The following NFIL3 variants were observed in gnomAD, a reference collection of about 807,000 sequenced individuals.
The protein encoded by NFIL3 is nuclear factor interleukin-3-regulated protein.
Under a neutral mutation model 10.0 loss-of-function variants are expected in NFIL3, and 5 were observed. The ratio of observed to expected loss-of-function variants is 0.50; its 90% CI spans 0.26 to 1.06. The LOEUF (loss-of-function observed/expected upper bound fraction) is 1.06, where lower values mean the gene tolerates loss of function less well. Among genes scored for constraint, NFIL3 ranks in the 50% least tolerant of loss-of-function variants. The pLI is 0.13. For synonymous variants in NFIL3, 202 were observed against 206.5 expected (o/e 0.98, Z 0.19); for missense variants, 436 against 547.6 (o/e 0.80, Z 2.03).
At chr9:91,445,188 G>A in the NFIL3 span, among the ~76,000 whole-genome samples, 1 of 152,188 alleles carries the variant, frequency 6.6e-6, no homozygotes, top group Non-Finnish European at 1.5e-5. Flanking sequence ...TGAGGGTTTG[G>A]CCCTGGGGAG....
chr9:91,427,825 T>C (rs1232005948), upstream of NFIL3, among the ~76,000 whole-genome samples: 1 of 152,002 alleles, frequency 6.6e-6, no homozygotes, highest in Non-Finnish European at 1.5e-5. Context: ...ATTTTTTTTT[T>C]GTTAGAGTCA....
chr9:91,479,807 T>C, the NFIL3 span, among the ~76,000 whole-genome samples: 1 of 152,252 alleles, frequency 6.6e-6, no homozygotes, highest in Non-Finnish European at 1.5e-5. Flanking sequence ...AATCTCCTGG[T>C]CTGCGGGTTG....
chr9:91,450,436 T>C, the NFIL3 span, among the ~76,000 whole-genome samples: 471 of 152,332 alleles, frequency 3.1e-3, 1 homozygote, highest in Admixed American at 4.8e-3. Context: ...AATCATCTAA[T>C]ATCTTTTGTG....
chr9:91,430,439 C>T, the NFIL3 span, among the ~76,000 whole-genome samples: 1 of 152,120 alleles, frequency 6.6e-6, no homozygotes, highest in Admixed American at 6.5e-5. Flanking sequence ...GGGCCAGAAA[C>T]TAAGCCAGGC....
At chr9:91,466,380 A>G in the NFIL3 span, among the ~76,000 whole-genome samples, 3 of 152,206 alleles carry the variant, frequency 2.0e-5, no homozygotes, top group Admixed American at 6.5e-5. Context: ...ACAGAATGGT[A>G]GTGGATGAAA....
the NFIL3 span, among the ~76,000 whole-genome samples, chr9:91,435,098 GT>G: frequency 6.6e-6 from 1 of 152,138 alleles, no homozygotes; most frequent in Admixed American, 6.5e-5. Context: ...TGAATTGTGT[GT>G]TTTCTCTTTC....
chr9:91,453,793 G>A, the NFIL3 span, among the ~76,000 whole-genome samples: 5 of 152,058 alleles, frequency 3.3e-5, no homozygotes, highest in African/African-American at 7.3e-5. Context: ...GCCACAAAAT[G>A]AGGGCAAGTC....
chr9:91,412,852 CAAA>C (rs769413699), intron 1 of NFIL3, among the ~76,000 whole-genome samples: 5 of 60,378 alleles, frequency 8.3e-5, no homozygotes, highest in Admixed American at 1.8e-4. Flanking sequence ...GACTTCGTCT[CAAA>C]AAAAAAAAAA....
At chr9:91,419,463 G>A (rs1453426873) in intron 1 of NFIL3, among the ~76,000 whole-genome samples, 1 of 152,206 alleles carries the variant, frequency 6.6e-6, no homozygotes, top group Non-Finnish European at 1.5e-5. Context: ...TCAGGCTGTT[G>A]CATCACAGTG....
Position 91,410,901 on chromosome 9 carries a change from C to T in NFIL3, c.-167G>A, listed in dbSNP as rs773797035. Reference sequence around the variant, plus strand: ...TTATTGAATGAAGTTGGGCCTCCTTCGTTATCTGCAATACATGAATAAAAA... The same window carrying T: ...TTATTGAATGAAGTTGGGCCTCCTTTGTTATCTGCAATACATGAATAAAAA... On this transcript the variant is annotated 5_prime_UTR_variant, in exon 2 of 2. Transcript: ENST00000297689. The surrounding 1 kb of genome is among the most constrained non-coding windows in gnomAD (Gnocchi z 5.7). The T allele has an allele frequency of 1.4e-5, 8 of 588,794 alleles. No individual in the cohort carries two copies. Among genetic ancestry groups the T allele is most frequent in the Admixed American group, 3.7e-5 (1 of 27,112 alleles). The allele number at this position is 588,794 out of a possible 1,614,324, so 36.5% of individuals were successfully genotyped here.
the NFIL3 span, among the ~76,000 whole-genome samples, chr9:91,483,484 G>A: frequency 1.3e-5 from 2 of 152,102 alleles, no homozygotes; most frequent in Admixed American, 1.3e-4. Flanking sequence ...GTTGAAATGA[G>A]GACACGAGGA....
the NFIL3 span, among the ~76,000 whole-genome samples, chr9:91,462,986 G>A: frequency 6.6e-6 from 1 of 151,884 alleles, no homozygotes; most frequent in Non-Finnish European, 1.5e-5. Context: ...CCACAGAATT[G>A]TTTGAAATAT....
At chr9:91,452,032 T>A in the NFIL3 span, among the ~76,000 whole-genome samples, 1 of 152,166 alleles carries the variant, frequency 6.6e-6, no homozygotes, top group Admixed American at 6.5e-5. Flanking sequence ...GGAAGCCTCC[T>A]CTTGACTAAG....
At chr9:91,455,413 T>C in the NFIL3 span, among the ~76,000 whole-genome samples, 2 of 152,220 alleles carry the variant, frequency 1.3e-5, no homozygotes, top group South Asian at 4.1e-4. Context: ...TTTATTTATT[T>C]ATTTACATCA....
chr9:91,430,864 T>G, the NFIL3 span, among the ~76,000 whole-genome samples: 1 of 152,212 alleles, frequency 6.6e-6, no homozygotes, highest in Admixed American at 6.5e-5. Context: ...CAGGCTAGTC[T>G]CAAACTCCTG....
At chr9:91,424,549 G>A (rs1833846160), upstream of NFIL3, among the ~76,000 whole-genome samples, 1 of 152,186 alleles carries the variant, frequency 6.6e-6, no homozygotes, top group Non-Finnish European at 1.5e-5. Context: ...AAAATGTCCC[G>A]GCGCCTCTCC....
the NFIL3 span, among the ~76,000 whole-genome samples, chr9:91,437,430 T>C: frequency 6.6e-6 from 1 of 152,230 alleles, no homozygotes; most frequent in Admixed American, 6.5e-5. Flanking sequence ...GGGATACATG[T>C]AGATAGTAAA....
the NFIL3 span, among the ~76,000 whole-genome samples, chr9:91,473,621 C>A: frequency 6.6e-6 from 1 of 152,366 alleles, no homozygotes; most frequent in African/African-American, 2.4e-5. Flanking sequence ...GTCACAGCTT[C>A]CCTTGGCTAG....
the NFIL3 span, among the ~76,000 whole-genome samples, chr9:91,454,420 GA>G: frequency 2.8e-4 from 42 of 147,496 alleles, 1 homozygote; most frequent in Middle Eastern, 7.0e-3. Flanking sequence ...TTTTGACTCT[GA>G]AAAAAAAAAT....
Sources: allele counts gnomAD v4.1 joint callset (sites outside exome capture counted in the v4.1 genomes callset), GRCh38; gene constraint gnomAD v4.1.1; non-coding constraint Gnocchi (gnomAD v3.1); transcripts MANE v1.5; gene names NCBI Gene and HGNC (gene_info 2026-07-23, HGNC 2026-07-21).